COL1A2: variants seen among roughly 807,000 people sequenced by gnomAD.
COL1A2 encodes the protein collagen alpha-2(I) chain.
A neutral mutation model predicts 174.3 loss-of-function variants in COL1A2; 49 were observed. That is an observed-to-expected ratio of 0.28 (90% CI 0.22 to 0.36). The LOEUF (loss-of-function observed/expected upper bound fraction) is 0.36, where lower values mean the gene tolerates loss of function less well. Among genes scored for constraint, COL1A2 ranks in the 10% least tolerant of loss-of-function variants. The pLI is 1.00. For missense variants in COL1A2, 1,438 were observed against 1,822.7 expected, an observed-to-expected ratio of 0.79 and a Z score of 3.84; for synonymous variants, 655 against 606.6, an observed-to-expected ratio of 1.08 and a Z score of -1.17.
intron 2 of COL1A2, 107 bp downstream of exon 2, chr7:94,397,865 A>G: frequency 3.0e-6 from 2 of 670,606 alleles, no homozygotes; most frequent in Non-Finnish European, 5.1e-6. Flanking sequence ...ACCATCCTAG[A>G]TTCCCAAGAA....
At chr7:94,407,152 A>G (rs917788341) in intron 12 of COL1A2, among the ~76,000 whole-genome samples, 2 of 152,166 alleles carry the variant, frequency 1.3e-5, no homozygotes, top group African/African-American at 4.8e-5. Context: ...TCACACATCT[A>G]GAGGTTAGAA....
At chr7:94,400,659 C>T (rs886803141) in intron 5 of COL1A2, among the ~76,000 whole-genome samples, 1 of 152,150 alleles carries the variant, frequency 6.6e-6, no homozygotes, top group Admixed American at 6.5e-5. Context: ...ACATCCTACG[C>T]TTTTTATTCT....
chr7:94,426,542 G>T lies in COL1A2; in HGVS notation c.3105+12G>T. On this transcript the variant is annotated intron_variant, in intron 46 of 51. Transcript: ENST00000297268. ...TGCCTGGTATCGCTGTAAGTAAACT[G>T]TAGCCATCTCGCACATAAACTGATC... 1 of 1,582,968 alleles carries T rather than the reference G, an allele frequency of 6.3e-7. No homozygotes were observed. Among genetic ancestry groups the T allele is most frequent in the Non-Finnish European group, 8.6e-7 (1 of 1,161,908 alleles).
intron 1 of COL1A2, chr7:94,395,522 G>A: frequency 3.0e-6 from 1 of 328,752 alleles, no homozygotes; most frequent in Non-Finnish European, 5.9e-6. Context: ...CCCTTCAACT[G>A]AGTAATGTAA....
chr7:94,418,460 G>T (rs998530684), intron 32 of COL1A2, 39 bp from the exon 33 acceptor site: 2 of 1,596,272 alleles, frequency 1.3e-6, no homozygotes, highest in African/African-American at 1.3e-5. Flanking sequence ...CAAAATTTTG[G>T]TCAGAAAACA....
intron 40 of COL1A2, chr7:94,423,938 G>A (rs964855340): frequency 1.3e-4 from 32 of 247,188 alleles, no homozygotes; most frequent in Non-Finnish European, 2.5e-4. Flanking sequence ...TGTGATTGCT[G>A]GATCTTATGG....
chr7:94,415,079 G>A (rs957026647), intron 29 of COL1A2, 147 bp from the exon 30 acceptor site: 3 of 712,300 alleles, frequency 4.2e-6, no homozygotes, highest in African/African-American at 3.5e-5. Flanking sequence ...CATACTAAAA[G>A]TTGTTCTTAT....
chr7:94,426,878 C>G, intron 46 of COL1A2, 130 bp from the exon 47 acceptor site: 6 of 829,506 alleles, frequency 7.2e-6, no homozygotes, highest in Non-Finnish European at 9.9e-6. Flanking sequence ...AAGAGCCCCA[C>G]TTTACATTTT....
In COL1A2 at chr7:94,398,339, A is replaced by T. The variant is rs1454182501; in HGVS notation, c.82-43A>T. On this transcript the variant is annotated intron_variant, in intron 2 of 51. Coordinates refer to ENST00000297268, the MANE Select transcript of COL1A2 (RefSeq NM_000089.4). ...ATGGAAGCTGTTTTTAAATATATAT[A>T]TACAATTTTCTTCATAATAATCTTT... 3 of 735,544 alleles carry T rather than the reference A, an allele frequency of 4.1e-6. No individual in the cohort carries two copies. The South Asian group carries it at 6.3e-5, about 15-fold the overall frequency. 45.6% of individuals were successfully genotyped at this position (735,544 alleles called of 1,614,324 possible). A position where few individuals can be genotyped will look rare whatever the true frequency, so the allele number is the denominator to read the frequency against.
chr7:94,430,221 G>A, intron 51 of COL1A2, 26 bp from the exon 52 acceptor site: 3 of 1,604,620 alleles, frequency 1.9e-6, no homozygotes, highest in Non-Finnish European at 2.6e-6. Context: ...GATGCTTTGT[G>A]TATCTATTTT....
intron 27 of COL1A2, 57 bp from the exon 28 acceptor site, chr7:94,413,837 C>A: frequency 6.2e-7 from 1 of 1,608,418 alleles, no homozygotes; most frequent in Non-Finnish European, 8.5e-7. Context: ...AGTTATACAG[C>A]TAGACAACAG....
chr7:94,427,662 A>G lies in COL1A2; in HGVS notation c.3303A>G (p.Pro1101=), dbSNP rs889862814. Residue 1101 remains proline, a synonymous_variant, in exon 49 of 52, where the codon CCA becomes CCG. Transcript: ENST00000297268. ...GTCCCCCTGGCCCTCCTGGACCTCCAGGTGTAAGCGGTGGTGGTTATGACT... is the reference window on the plus strand; with the variant it reads ...GTCCCCCTGGCCCTCCTGGACCTCCGGGTGTAAGCGGTGGTGGTTATGACT... ...PPGPPGPPGP[P]GVSGGGYDFG... is the part of the protein sequence containing the mutation. 4 of 1,614,008 alleles carry G rather than the reference A, an allele frequency of 2.5e-6. No individual in the cohort carries two copies. In the Admixed American group the frequency reaches 5.0e-5, roughly 20 times the overall value.
chr7:94,415,093 C>T (rs1022711667), intron 29 of COL1A2, 133 bp from the exon 30 acceptor site: 19 of 789,092 alleles, frequency 2.4e-5, no homozygotes, highest in East Asian at 9.9e-5. Flanking sequence ...TTCTTATTAG[C>T]CTGTGTACTT....
chr7:94,430,535 A>G lies in COL1A2; in HGVS notation c.*142A>G. ...TGCTTAAATTGTGGGCAAAAGAGAA[A>G]AAGAAGGATTGATCAGAGCATTGTG... On this transcript the variant is annotated 3_prime_UTR_variant, in exon 52 of 52. Coordinates refer to ENST00000297268, the MANE Select transcript of COL1A2 (RefSeq NM_000089.4). 1.2e-6 allele frequency: 1 copy of G among 867,494 alleles called. No individual in the cohort carries two copies. Among genetic ancestry groups the G allele is most frequent in the Non-Finnish European group, 1.8e-6 (1 of 560,896 alleles). 53.7% of individuals were successfully genotyped at this position (867,494 alleles called of 1,614,324 possible). A position where few individuals can be genotyped will look rare whatever the true frequency, so the allele number is the denominator to read the frequency against.
intron 4 of COL1A2, 38 bp from the exon 5 acceptor site, chr7:94,400,158 C>A: frequency 6.3e-7 from 1 of 1,584,274 alleles, no homozygotes; most frequent in Non-Finnish European, 8.7e-7. Flanking sequence ...TTCTACAGGG[C>A]CTGTCTAACC....
rs763618698 is a variant in COL1A2 at position 94,429,145 on chromosome 7, A to C, written c.3712-43A>C. The stretch of plus-strand genomic sequence containing the variant: ...TTTCATGTTTGACTCTTAGTATCTG[A>C]GTCCTTCTCCACTTAACTGGAATTT... On this transcript the variant is annotated intron_variant, in intron 50 of 51. Coordinates refer to ENST00000297268, the MANE Select transcript of COL1A2 (RefSeq NM_000089.4). 2.2e-6 allele frequency: 3 copies of C among 1,381,986 alleles called. No homozygotes were observed. In the East Asian group the frequency reaches 7.6e-5, roughly 35 times the overall value. 85.6% of individuals were successfully genotyped at this position (1,381,986 alleles called of 1,614,324 possible).
intron 24 of COL1A2, 36 bp downstream of exon 24, chr7:94,412,157 A>T: frequency 6.4e-7 from 1 of 1,564,332 alleles, no homozygotes; most frequent in South Asian, 1.1e-5. Context: ...ATTTTCAAGG[A>T]CACTTATTGC....
chr7:94,395,759 A>G (rs1254375744), intron 1 of COL1A2, among the ~76,000 whole-genome samples: 1 of 152,246 alleles, frequency 6.6e-6, no homozygotes, highest in East Asian at 1.9e-4. Flanking sequence ...GTGGCTAGTC[A>G]GTGAACCCTG....
chr7:94,402,511 TATG>T (rs140793239), intron 6 of COL1A2, among the ~76,000 whole-genome samples: 23 of 151,820 alleles, frequency 1.5e-4, no homozygotes, highest in Admixed American at 3.9e-4. Flanking sequence ...ACATTCCCTA[TATG>T]ATGATGATGA....
Sources: gnomAD v4.1 joint callset for allele counts (sites outside exome capture counted in the v4.1 genomes callset) on GRCh38, gnomAD v4.1.1 for gene constraint, MANE v1.5 for transcripts, NCBI Gene and HGNC (gene_info 2026-07-23, HGNC 2026-07-21) for gene names.